The following FRMPD4 variants were observed in gnomAD, a reference collection of about 807,000 sequenced individuals.
FRMPD4 encodes FERM and PDZ domain containing 4, also known as FERM and PDZ domain-containing protein 4.
In FRMPD4, 22 loss-of-function variants were observed where a neutral mutation model predicts 94.1. That is an observed-to-expected ratio of 0.23 (90% CI 0.17 to 0.33). The LOEUF is 0.33. Among genes scored for constraint, FRMPD4 ranks in the 10% least tolerant of loss-of-function variants. The pLI is 1.00. For synonymous variants in FRMPD4, 631 were observed against 548.6 expected, an observed-to-expected ratio of 1.15 and a Z score of -2.10; for missense variants, 1,111 against 1,339.9, an observed-to-expected ratio of 0.83 and a Z score of 2.67.
At chrX:12,187,479 G>A (rs1404826987) in intron 1 of FRMPD4, among the ~76,000 whole-genome samples, 2 of 111,377 alleles carry the variant, frequency 1.8e-5, no homozygotes, top group East Asian at 2.8e-4. Context: ...GAATGAATTT[G>A]TTTTTAAAAC....
chrX:12,420,676 C>T (rs982829257), intron 1 of FRMPD4, among the ~76,000 whole-genome samples: 1 of 112,125 alleles, frequency 8.9e-6, no homozygotes, highest in African/African-American at 3.2e-5. Context: ...AACTCAACAC[C>T]GGTCGTTGAT....
intron 2 of FRMPD4, among the ~76,000 whole-genome samples, chrX:12,499,770 A>G (rs1487414040): frequency 1.8e-5 from 2 of 111,632 alleles, no homozygotes; most frequent in African/African-American, 6.5e-5. Context: ...GTATTCATTC[A>G]TCTGTTAATG....
At chrX:11,991,667 C>A (rs2054465144) in intron 3 of FRMPD4, among the ~76,000 whole-genome samples, 1 of 111,996 alleles carries the variant, frequency 8.9e-6, no homozygotes, top group South Asian at 3.7e-4. Flanking sequence ...AGAAATATTT[C>A]TTCTTTGCTT....
chrX:12,696,736 C>T (rs1339563959), intron 9 of FRMPD4, among the ~76,000 whole-genome samples: 1 of 111,305 alleles, frequency 9.0e-6, no homozygotes, highest in Non-Finnish European at 1.9e-5. Flanking sequence ...GTTAATAACA[C>T]TGGTGTTTGC....
At chrX:12,539,639 T>C (rs1232759005) in intron 2 of FRMPD4, among the ~76,000 whole-genome samples, 1 of 101,435 alleles carries the variant, frequency 9.9e-6, no homozygotes, top group East Asian at 3.0e-4. Flanking sequence ...AATATTCAGC[T>C]TTTTTTTTTT....
chrX:12,718,426 A>T lies in FRMPD4; in HGVS notation c.3600A>T (p.Ser1200=). 2 of 1,210,602 alleles carry T rather than the reference A, an allele frequency of 1.7e-6. No individual in the cohort carries two copies. The highest frequency in any genetic ancestry group is 2.2e-6 in the Non-Finnish European group (2 of 894,286). ...ACTACCACTTGGCCAAGCGGATGTC[A>T]TCACTGCAAAGCGAGGGCCATTTTT... The part of the protein sequence containing the change: ...LCDYHLAKRM[S]SLQSEGHFSL... The change falls in exon 16 of 17, where the codon TCA becomes TCT. Residue 1200 remains serine (S), a synonymous_variant. Transcript: ENST00000675598.
chrX:12,149,884 T>G (rs1289040622), intron 1 of FRMPD4, among the ~76,000 whole-genome samples: 1 of 111,790 alleles, frequency 8.9e-6, no homozygotes, highest in Non-Finnish European at 1.9e-5. Flanking sequence ...AACCACCACC[T>G]TGATGAGTCA....
chrX:12,624,947 A>T (rs1469764588), intron 4 of FRMPD4, among the ~76,000 whole-genome samples: 1 of 111,684 alleles, frequency 9.0e-6, no homozygotes, highest in Non-Finnish European at 1.9e-5. Context: ...AGGAAAAAAA[A>T]GAATAATCCA....
chrX:12,552,094 A>G (rs1038537865), intron 2 of FRMPD4, among the ~76,000 whole-genome samples: 1 of 111,722 alleles, frequency 9.0e-6, no homozygotes, highest in East Asian at 2.8e-4. Flanking sequence ...GCTTTCTGGT[A>G]TAACAAGATA....
chrX:12,169,041 T>A (rs1034431741), intron 1 of FRMPD4, among the ~76,000 whole-genome samples: 3 of 112,343 alleles, frequency 2.7e-5, no homozygotes, highest in African/African-American at 9.7e-5. Flanking sequence ...GGCTTGTATT[T>A]TGACTCATAT....
intron 4 of FRMPD4, among the ~76,000 whole-genome samples, chrX:12,652,991 G>A (rs2059611158): frequency 8.9e-6 from 1 of 111,995 alleles, no homozygotes; most frequent in South Asian, 3.7e-4. Context: ...ATGGATACAG[G>A]GAAGGTTAAA....
intron 3 of FRMPD4, among the ~76,000 whole-genome samples, chrX:11,923,201 C>T (rs1215618756): frequency 8.8e-6 from 1 of 113,047 alleles, no homozygotes; most frequent in Admixed American, 9.3e-5. Flanking sequence ...AAGCAGTCCA[C>T]TCCCCTCCAC....
intron 1 of FRMPD4, among the ~76,000 whole-genome samples, chrX:12,428,054 C>T (rs1250122557): frequency 9.2e-6 from 1 of 108,751 alleles, no homozygotes; most frequent in Admixed American, 9.8e-5. Flanking sequence ...GGACTACAGG[C>T]GCCCGCCACC....
intron 3 of FRMPD4, among the ~76,000 whole-genome samples, chrX:11,988,052 T>C (rs112158915): frequency 0.091 from 9,946 of 109,433 alleles, 369 homozygotes; most frequent in East Asian, 0.24. Context: ...TATCAAAATA[T>C]CAATGACCTT....
At chrX:12,681,707 A>ACG (rs1369539120) in intron 5 of FRMPD4, among the ~76,000 whole-genome samples, 1 of 110,084 alleles carries the variant, frequency 9.1e-6, no homozygotes, top group East Asian at 2.8e-4. Flanking sequence ...ACACACACAC[A>ACG]CACACACACA....
At chrX:12,215,092 A>G (rs1335885411) in intron 1 of FRMPD4, among the ~76,000 whole-genome samples, 7 of 112,113 alleles carry the variant, frequency 6.2e-5, no homozygotes, top group Non-Finnish European at 1.9e-5. Context: ...TTGTGTTGAC[A>G]TTCAACCTTT....
At chrX:11,996,556 C>A (rs1476961382) in intron 3 of FRMPD4, among the ~76,000 whole-genome samples, 1 of 112,360 alleles carries the variant, frequency 8.9e-6, no homozygotes, top group African/African-American at 3.2e-5. Context: ...AAACAAAATT[C>A]TTTCAGAGGA....
intron 1 of FRMPD4, among the ~76,000 whole-genome samples, chrX:12,240,477 A>G (rs942817924): frequency 8.9e-6 from 1 of 111,997 alleles, no homozygotes; most frequent in Non-Finnish European, 1.9e-5. Context: ...TATAGGAGGA[A>G]TTTATTGTGT....
chrX:12,332,322 G>GA (rs2055443122), intron 1 of FRMPD4, among the ~76,000 whole-genome samples: 1 of 102,941 alleles, frequency 9.7e-6, no homozygotes, highest in Non-Finnish European at 2.0e-5. Context: ...GAAAAGGCCG[G>GA]AAAAAACCTG....
Sources: gnomAD v4.1 joint callset for allele counts (sites outside exome capture counted in the v4.1 genomes callset) on GRCh38, gnomAD v4.1.1 for gene constraint, MANE v1.5 for transcripts, NCBI Gene and HGNC (gene_info 2026-07-23, HGNC 2026-07-21) for gene names.